The following TOP1MT variants were observed in gnomAD, a reference collection of about 807,000 sequenced individuals.
TOP1MT encodes DNA topoisomerase I mitochondrial.
TOP1MT carries 80 observed loss-of-function variants against 73.9 expected under a neutral mutation model. The ratio of observed to expected loss-of-function variants is 1.08; its 90% CI spans 0.90 to 1.30. The LOEUF (loss-of-function observed/expected upper bound fraction) is 1.30, where lower values mean the gene tolerates loss of function less well. TOP1MT is among the 50% of genes most tolerant of loss of function. TOP1MT has a pLI of 0.00. For missense variants in TOP1MT, 815 were observed against 808.0 expected, an observed-to-expected ratio of 1.01 and a Z score of -0.10; for synonymous variants, 338 against 326.4, an observed-to-expected ratio of 1.04 and a Z score of -0.38.
chr8:143,351,396 A>C (rs1817318573), intron 1 of TOP1MT, among the ~76,000 whole-genome samples: 1 of 152,042 alleles, frequency 6.6e-6, no homozygotes, highest in African/African-American at 2.4e-5. Flanking sequence ...AACATGGCGA[A>C]ACCCTGTCTC....
Position 143,309,561 on chromosome 8 carries a change from A to G in TOP1MT, c.1704-18T>C. On this transcript the variant is annotated intron_variant, in intron 13 of 13. Coordinates refer to ENST00000329245, the MANE Select transcript of TOP1MT (RefSeq NM_052963.3). The stretch of plus-strand genomic sequence containing the variant: ...GCTTGCACCTGCGGGAGGCAGCATC[A>G]GCCCAGGCAAGCAGGCAACTCACCC... 1 of 1,612,528 alleles carries G rather than the reference A, an allele frequency of 6.2e-7. No individual in the cohort carries two copies. The highest frequency in any genetic ancestry group is 2.2e-5 in the East Asian group (1 of 44,854).
At position 143,323,871 on chromosome 8, in the gene TOP1MT, ACCC is replaced by A. The variant is rs368352504; in HGVS notation, c.960+125_960+127del. 930 of 1,019,150 alleles carry A rather than the reference ACCC, an allele frequency of 9.1e-4. 4 individuals are homozygous for A. The highest frequency in any genetic ancestry group is 3.9e-3 in the African/African-American group (246 of 62,380). The allele number at this position is 1,019,150 out of a possible 1,614,324, so 63.1% of individuals were successfully genotyped here. A position where few individuals can be genotyped will look rare whatever the true frequency, so the allele number is the denominator to read the frequency against. On this transcript the variant is annotated intron_variant, in intron 7 of 13. Transcript: ENST00000329245. ...CCCACACACGTGTGCACATGCACAC[ACCC>A]CCCCCATCAGAATGAGGTTCCACCC...
At chr8:143,357,575 G>A (rs1817432794), upstream of TOP1MT, among the ~76,000 whole-genome samples, 1 of 152,142 alleles carries the variant, frequency 6.6e-6, no homozygotes, top group Non-Finnish European at 1.5e-5. Context: ...GGGGCAAGGA[G>A]TCCAAGATCA....
intron 12 of TOP1MT, among the ~76,000 whole-genome samples, chr8:143,311,135 T>C (rs1026489724): frequency 2.7e-5 from 4 of 147,548 alleles, no homozygotes; most frequent in African/African-American, 1.0e-4. Flanking sequence ...TTTTTTTTTT[T>C]TTTTTGTATT....
chr8:143,338,920 C>T (rs1366735257), upstream of TOP1MT, among the ~76,000 whole-genome samples: 1 of 152,206 alleles, frequency 6.6e-6, no homozygotes, highest in East Asian at 1.9e-4. Flanking sequence ...AGGGGTTGCC[C>T]AAGGGAGCGG....
intron 12 of TOP1MT, among the ~76,000 whole-genome samples, chr8:143,311,960 G>A (rs1816026064): frequency 6.6e-6 from 1 of 152,188 alleles, no homozygotes; most frequent in African/African-American, 2.4e-5. Flanking sequence ...TATAACAAGT[G>A]ATTATATCAG....
intron 7 of TOP1MT, among the ~76,000 whole-genome samples, chr8:143,321,732 G>A (rs1229804469): frequency 1.8e-5 from 1 of 55,248 alleles, no homozygotes; most frequent in African/African-American, 8.0e-5. Flanking sequence ...GCCACACACA[G>A]GTACGCCACA....
chr8:143,334,946 C>T (rs949245075), upstream of TOP1MT: 3 of 1,176,858 alleles, frequency 2.5e-6, no homozygotes, highest in African/African-American at 3.7e-5. Context: ...GCCCCGCCCC[C>T]GAGCGCGGCC....
At chr8:143,356,845 G>C (rs961826380), upstream of TOP1MT, among the ~76,000 whole-genome samples, 1 of 144,846 alleles carries the variant, frequency 6.9e-6, no homozygotes, top group African/African-American at 2.6e-5. Context: ...TGTAATCCCA[G>C]CACTTTGGGA....
At chr8:143,317,892 TCCCGCGGGAAGGAAAGGA>T (rs762825001) in intron 9 of TOP1MT, 55 bp from the exon 10 acceptor site, 2 of 1,600,666 alleles carry the variant, frequency 1.2e-6, no homozygotes, top group East Asian at 4.5e-5. Flanking sequence ...CGTCCCAGCC[TCCCGCGGGAAGGAAAGGA>T]CATGTCAGCC....
chr8:143,324,096 C>T lies in TOP1MT; in HGVS notation c.863G>A (p.Gly288Glu), dbSNP rs759071083. ...CTGGGAGCGGATCTCGTCCACAAATCCCCGCAGGCGTCGAGCTGTTTCAAA... is the reference window on the plus strand; with the variant it reads ...CTGGGAGCGGATCTCGTCCACAAATTCCCGCAGGCGTCGAGCTGTTTCAAA... ...QKFETARRLR[G>E]FVDEIRSQYR... is the part of the protein sequence containing the mutation. The change falls in exon 7 of 14, where the codon GGA (glycine) becomes GAA (glutamate). Residue 288 changes from glycine (G) to glutamate (E), a missense_variant. By Grantham distance (98) the Gly-to-Glu change is moderately conservative (BLOSUM62 -2). Around this residue, in one of 3 missense-constraint regions of TOP1MT, gnomAD observed 751 missense variants for 725.4 expected, o/e 1.04. Transcript: ENST00000329245. The T allele has an allele frequency of 2.7e-5, 44 of 1,613,778 alleles. No individual in the cohort carries two copies. The highest frequency in any genetic ancestry group is 3.4e-5 in the Non-Finnish European group (40 of 1,180,036).
Position 143,309,416 on chromosome 8 carries a change from A to G in TOP1MT, c.*25T>C. 1 of 1,610,382 alleles carries G rather than the reference A, an allele frequency of 6.2e-7. No homozygotes were observed. The highest frequency in any genetic ancestry group is 8.5e-7 in the Non-Finnish European group (1 of 1,178,440). On this transcript the variant is annotated 3_prime_UTR_variant, in exon 14 of 14. Coordinates refer to ENST00000329245, the MANE Select transcript of TOP1MT (RefSeq NM_052963.3). ...AGTGAAAAAAACACACACACATACAAAAGAAGTTTCAACACGGCTCGTCGT... is the reference window on the plus strand; with the variant it reads ...AGTGAAAAAAACACACACACATACAGAAGAAGTTTCAACACGGCTCGTCGT...
At position 143,334,659 on chromosome 8, in the gene TOP1MT, C is replaced by A. The variant is rs1034856805; in HGVS notation, c.122+81G>T. 29 of 1,554,494 alleles carry A rather than the reference C, an allele frequency of 1.9e-5. 1 individual carries two copies. The highest frequency in any genetic ancestry group is 4.5e-5 in the South Asian group (4 of 88,536). On this transcript the variant is annotated intron_variant, in intron 1 of 13. Transcript: ENST00000329245. ...CCGGAAGCAGGGCAAGGCCGTCCCACGAGGCCTGCCACTCCCCTTTCTGGA... is the reference window on the plus strand; with the variant it reads ...CCGGAAGCAGGGCAAGGCCGTCCCAAGAGGCCTGCCACTCCCCTTTCTGGA...
intron 5 of TOP1MT, 131 bp downstream of exon 5, chr8:143,325,215 A>G: frequency 2.3e-6 from 2 of 877,850 alleles, no homozygotes; most frequent in Non-Finnish European, 3.4e-6. Context: ...GCTGAGCTCC[A>G]CAGGAATGGT....
chr8:143,351,593 GAAAA>G lies in TOP1MT; in HGVS notation c.-39+4368_-39+4371del, dbSNP rs201853196. Among the ~76,000 whole-genome samples, 1,355 of 147,422 alleles carry G rather than the reference GAAAA, an allele frequency of 9.2e-3. 22 individuals are homozygous for G. Among genetic ancestry groups the G allele is most frequent in the African/African-American group, 0.031 (1,267 of 40,448 alleles). ...AGACCCAGTCTCAAAAAAAAAAAAA[GAAAA>G]AAAGAAAAGGAAAGTAAAACAATTC... On this transcript the variant is annotated intron_variant, in intron 1 of 5. Coordinates refer to the TOP1MT transcript ENST00000518760.
intron 10 of TOP1MT, 112 bp downstream of exon 10, chr8:143,317,611 C>T (rs1413626867): frequency 1.1e-6 from 1 of 927,638 alleles, no homozygotes; most frequent in East Asian, 2.6e-5. Context: ...GCCCATTTCC[C>T]AAAGAAGCGG....
chr8:143,329,691 A>G (rs972024099), intron 2 of TOP1MT, among the ~76,000 whole-genome samples: 1 of 152,200 alleles, frequency 6.6e-6, no homozygotes, highest in East Asian at 1.9e-4. Flanking sequence ...GTCGTGAGAA[A>G]GCTGCAGAAG....
intron 4 of TOP1MT, 132 bp downstream of exon 4, chr8:143,326,090 G>C: frequency 9.5e-7 from 1 of 1,056,866 alleles, no homozygotes; most frequent in Non-Finnish European, 1.3e-6. Flanking sequence ...GGGCGCTAAG[G>C]CTGACGAGAA....
upstream of TOP1MT, among the ~76,000 whole-genome samples, chr8:143,358,028 A>T (rs1000611256): frequency 6.6e-6 from 1 of 152,156 alleles, no homozygotes; most frequent in East Asian, 1.9e-4. Flanking sequence ...TTGAGGTTAT[A>T]GTAAACTATG....
Sources: gnomAD v4.1 joint callset for allele counts (sites outside exome capture counted in the v4.1 genomes callset) on GRCh38, gnomAD v4.1.1 for gene constraint, gnomAD v4.1.1 regional missense constraint, MANE v1.5 for transcripts, NCBI Gene and HGNC (gene_info 2026-07-23, HGNC 2026-07-21) for gene names.